CYP39A1: variants seen among roughly 807,000 people sequenced by gnomAD.
CYP39A1 encodes 24-hydroxycholesterol 7-alpha-hydroxylase.
Under a neutral mutation model 58.1 loss-of-function variants are expected in CYP39A1, and 49 were observed. The observed-to-expected ratio is 0.84, with a 90% CI of 0.67 to 1.07. The LOEUF (loss-of-function observed/expected upper bound fraction) is 1.07, where lower values mean the gene tolerates loss of function less well. Ranked by LOEUF, CYP39A1 falls within the 50% of genes least tolerant of loss-of-function variation. CYP39A1 has a pLI of 0.00. For synonymous variants in CYP39A1, 209 were observed against 187.6 expected (o/e 1.11, Z -0.93); for missense variants, 531 against 539.4 (o/e 0.98, Z 0.16).
rs531680719 is a variant in CYP39A1 at position 46,550,138 on chromosome 6, C to T, written c.*228G>A. ...GTGGAGTTTTTTTGGATCATTTGAT[C>T]ATTTCCTATAAACCATGTATTCCGG... On this transcript the variant is annotated 3_prime_UTR_variant, in exon 12 of 12. Coordinates refer to ENST00000275016, the MANE Select transcript of CYP39A1 (RefSeq NM_016593.5). The T allele has an allele frequency of 2.1e-4, 76 of 367,512 alleles. No individual in the cohort carries two copies. Among genetic ancestry groups the T allele is most frequent in the Non-Finnish European group, 3.2e-4 (67 of 206,614 alleles). 22.8% of individuals were successfully genotyped at this position (367,512 alleles called of 1,614,324 possible).
intron 3 of CYP39A1, 96 bp from the exon 4 acceptor site, chr6:46,638,074 G>A: frequency 1.6e-6 from 2 of 1,240,390 alleles, no homozygotes; most frequent in Admixed American, 2.9e-5. Flanking sequence ...CAATATATGG[G>A]GAGCAGATAA....
rs200089797 is a variant in CYP39A1, at chr6:46,564,101, AT to A, written c.1251-10248del. Reference sequence around the variant, plus strand: ...AGACCTAGTTTGTTTTTTATTTTGTATTTTTTTTATTTTATTCTATTTTATT... The same window carrying A: ...AGACCTAGTTTGTTTTTTATTTTGTATTTTTTTATTTTATTCTATTTTATT... On this transcript the variant is annotated intron_variant, in intron 10 of 11. Coordinates refer to ENST00000275016, the MANE Select transcript of CYP39A1 (RefSeq NM_016593.5). Among the ~76,000 whole-genome samples the A allele has an allele frequency of 8.8e-3, 1,231 of 140,612 alleles. 48 individuals are homozygous for A. The highest frequency in any genetic ancestry group is 0.011 in the African/African-American group (422 of 37,462). The allele number at this position is 140,612 out of a possible 152,430, so 92.2% of individuals were successfully genotyped here.
chr6:46,552,650 C>A (rs1268947142), intron 11 of CYP39A1, among the ~76,000 whole-genome samples: 1 of 152,138 alleles, frequency 6.6e-6, no homozygotes, highest in East Asian at 1.9e-4. Context: ...TTAAATAGCA[C>A]CCTTTACCCA....
intron 1 of CYP39A1, among the ~76,000 whole-genome samples, chr6:46,650,111 T>TAC (rs3085603): frequency 0.25 from 36,098 of 146,886 alleles, 4,466 homozygotes; most frequent in South Asian, 0.4. Context: ...TTACTACATT[T>TAC]ACACACACAC....
chr6:46,620,149 T>A (rs186593505), intron 7 of CYP39A1, among the ~76,000 whole-genome samples: 1 of 152,110 alleles, frequency 6.6e-6, no homozygotes, highest in Non-Finnish European at 1.5e-5. Flanking sequence ...CTTAACATCA[T>A]TTTAACCTGC....
In CYP39A1 at chr6:46,566,889, C is replaced by T. The variant is rs138654547; in HGVS notation, c.1251-13035G>A. Among the ~76,000 whole-genome samples, 14 of 151,736 alleles carry T rather than the reference C, an allele frequency of 9.2e-5. No individual in the cohort carries two copies. The East Asian group carries it at 2.7e-3, about 29-fold the overall frequency. Reference sequence around the variant, plus strand: ...ATATGCACACATATATACATGTACCCATATATACACATACACACACATTGT... The same window carrying T: ...ATATGCACACATATATACATGTACCTATATATACACATACACACACATTGT... On this transcript the variant is annotated intron_variant, in intron 10 of 11. Coordinates refer to ENST00000275016, the MANE Select transcript of CYP39A1 (RefSeq NM_016593.5).
At chr6:46,557,423 C>T (rs1770715396) in intron 10 of CYP39A1, among the ~76,000 whole-genome samples, 1 of 151,514 alleles carries the variant, frequency 6.6e-6, no homozygotes, top group Non-Finnish European at 1.5e-5. Flanking sequence ...GGTAGATGAC[C>T]TGAGGCCAGG....
intron 3 of CYP39A1, 131 bp from the exon 4 acceptor site, chr6:46,638,109 A>G: frequency 1.1e-6 from 1 of 890,676 alleles, no homozygotes; most frequent in Admixed American, 3.6e-5. Flanking sequence ...TCTTGGGAAA[A>G]AGTCACTCTT....
chr6:46,550,611 A>C (rs913774251), intron 11 of CYP39A1, among the ~76,000 whole-genome samples, 174 bp from the exon 12 acceptor site: 2 of 152,202 alleles, frequency 1.3e-5, no homozygotes, highest in Admixed American at 6.5e-5. Flanking sequence ...TTAGCCTTCC[A>C]TTCAGGCAGA....
intron 7 of CYP39A1, among the ~76,000 whole-genome samples, chr6:46,608,772 C>A (rs149157979): frequency 6.6e-6 from 1 of 151,906 alleles, no homozygotes; most frequent in African/African-American, 2.4e-5. Context: ...TTGCCACAAA[C>A]CCGGCTAATT....
chr6:46,596,272 C>T (rs533104897), intron 7 of CYP39A1, 152 bp from the exon 8 acceptor site: 24 of 546,242 alleles, frequency 4.4e-5, no homozygotes, highest in Non-Finnish European at 5.9e-5. Context: ...CATTAATTGC[C>T]TCTTTTTCTT....
intron 7 of CYP39A1, among the ~76,000 whole-genome samples, chr6:46,616,204 C>A (rs1343429156): frequency 1.0e-3 from 3 of 2,894 alleles, no homozygotes; most frequent in South Asian, 0.028. Flanking sequence ...CCCTCCCTCC[C>A]TCCCTCCCTC....
At chr6:46,622,034 A>C (rs983573558) in intron 7 of CYP39A1, among the ~76,000 whole-genome samples, 1 of 152,164 alleles carries the variant, frequency 6.6e-6, no homozygotes, top group African/African-American at 2.4e-5. Flanking sequence ...AAAACATTAT[A>C]ATATAAAACT....
chr6:46,625,611 T>C, intron 6 of CYP39A1, 103 bp from the exon 7 acceptor site: 3 of 738,682 alleles, frequency 4.1e-6, no homozygotes, highest in East Asian at 2.8e-5. Flanking sequence ...GGATGATGTT[T>C]AAATTAACCT....
chr6:46,620,774 T>C (rs1282033210), intron 7 of CYP39A1, among the ~76,000 whole-genome samples: 1 of 152,180 alleles, frequency 6.6e-6, no homozygotes, highest in Non-Finnish European at 1.5e-5. Context: ...GAATGGGGAC[T>C]TCTAAATTAC....
rs1773209854 is a variant in CYP39A1 at position 46,597,020 on chromosome 6, T to G, written c.932-900A>C. Reference sequence around the variant, plus strand: ...GGGAATGAGTGGGTAAGAGTAGAACTAGGGTCTCCAGCCATGTCTCTCTTT... The same window carrying G: ...GGGAATGAGTGGGTAAGAGTAGAACGAGGGTCTCCAGCCATGTCTCTCTTT... On this transcript the variant is annotated intron_variant, in intron 7 of 11. Coordinates refer to ENST00000275016, the MANE Select transcript of CYP39A1 (RefSeq NM_016593.5). 2.0e-5 allele frequency among the ~76,000 whole-genome samples: 3 copies of G among 152,126 alleles called. No homozygotes were observed. In the South Asian group the frequency reaches 6.2e-4, roughly 32 times the overall value.
At chr6:46,620,368 A>G (rs1774880390) in intron 7 of CYP39A1, among the ~76,000 whole-genome samples, 1 of 152,180 alleles carries the variant, frequency 6.6e-6, no homozygotes, top group Non-Finnish European at 1.5e-5. Flanking sequence ...TTTATTTGAC[A>G]TGACTTGGAG....
intron 10 of CYP39A1, among the ~76,000 whole-genome samples, chr6:46,579,093 T>C (rs1771991241): frequency 6.6e-6 from 1 of 152,010 alleles, no homozygotes; most frequent in African/African-American, 2.4e-5. Context: ...TTCAGCCATA[T>C]ACCAAAAAGC....
chr6:46,642,114 T>C lies in CYP39A1; in HGVS notation c.313+49A>G, dbSNP rs1386162680. ...TGTAATTTTTACCTAAAACTACTCCTGGATTCCAATGTTGGATTTCGAATG... is the reference window on the plus strand; with the variant it reads ...TGTAATTTTTACCTAAAACTACTCCCGGATTCCAATGTTGGATTTCGAATG... On this transcript the variant is annotated intron_variant, in intron 2 of 11. Transcript: ENST00000275016. The C allele has an allele frequency of 6.2e-6, 10 of 1,600,442 alleles. No homozygotes were observed. In the South Asian group the frequency reaches 1.1e-4, roughly 18 times the overall value.
Sources: allele counts gnomAD v4.1 joint callset (sites outside exome capture counted in the v4.1 genomes callset), GRCh38; gene constraint gnomAD v4.1.1; transcripts MANE v1.5; gene names NCBI Gene and HGNC (gene_info 2026-07-23, HGNC 2026-07-21).